The following SLCO5A1 variants were observed in gnomAD, a reference collection of about 807,000 sequenced individuals.
SLCO5A1 encodes organic anion transporter polypeptide-related protein 4.
SLCO5A1 carries 39 observed loss-of-function variants against 65.1 expected under a neutral mutation model. The observed-to-expected ratio is 0.60, with a 90% confidence interval of 0.46 to 0.78. The LOEUF (loss-of-function observed/expected upper bound fraction) is 0.78. Ranked by LOEUF, SLCO5A1 falls within the 30% of genes least tolerant of loss-of-function variation. SLCO5A1 has a pLI of 0.00. For missense variants in SLCO5A1, 1,029 were observed against 1,069.4 expected, an observed-to-expected ratio of 0.96 and a Z score of 0.53; for synonymous variants, 438 against 415.7, an observed-to-expected ratio of 1.05 and a Z score of -0.65.
intron 2 of SLCO5A1, among the ~76,000 whole-genome samples, chr8:69,769,833 T>C (rs972819312): frequency 3.3e-5 from 5 of 152,154 alleles, no homozygotes; most frequent in African/African-American, 1.2e-4. Flanking sequence ...CTATGCCTGT[T>C]GCTATAATTA....
At chr8:69,683,210 G>A (rs776274451) in intron 6 of SLCO5A1, among the ~76,000 whole-genome samples, 72 of 152,228 alleles carry the variant, frequency 4.7e-4, no homozygotes, top group Non-Finnish European at 3.5e-4. Context: ...AAGGAAAGGC[G>A]CTCTGTACTG....
chr8:69,706,320 G>C (rs1274787351), intron 5 of SLCO5A1, among the ~76,000 whole-genome samples: 2 of 152,340 alleles, frequency 1.3e-5, no homozygotes, highest in East Asian at 3.9e-4. Context: ...CAAGATAGTA[G>C]AGGGATTCAT....
chr8:69,763,223 C>G (rs945027429), intron 2 of SLCO5A1, among the ~76,000 whole-genome samples: 10 of 151,698 alleles, frequency 6.6e-5, no homozygotes, highest in African/African-American at 1.9e-4. Flanking sequence ...GCAGGAGAAT[C>G]GCTTGAACCT....
intron 2 of SLCO5A1, among the ~76,000 whole-genome samples, chr8:69,797,192 C>A (rs1430071088): frequency 1.3e-5 from 2 of 152,188 alleles, no homozygotes; most frequent in Non-Finnish European, 2.9e-5. Context: ...GTCTTTACTG[C>A]AATCTCTGAA....
intron 2 of SLCO5A1, among the ~76,000 whole-genome samples, chr8:69,815,541 GCT>G (rs1257368119): frequency 6.6e-6 from 1 of 151,836 alleles, no homozygotes; most frequent in Non-Finnish European, 1.5e-5. Context: ...TCATTGATGA[GCT>G]CTGCTTTAGA....
Position 69,802,841 on chromosome 8 carries a change from A to G in SLCO5A1, c.907+28926T>C, listed in dbSNP as rs186423728. 5.3e-5 allele frequency among the ~76,000 whole-genome samples: 8 copies of G among 152,262 alleles called. No individual in the cohort carries two copies. In the East Asian group the frequency reaches 1.5e-3, roughly 29 times the overall value. On this transcript the variant is annotated intron_variant, in intron 2 of 9. Transcript: ENST00000260126. Reference sequence around the variant, plus strand: ...TCTTCATAGCCCTTATACCAGACAAACATTACATGATATATGTCTGCCTCT... The same window carrying G: ...TCTTCATAGCCCTTATACCAGACAAGCATTACATGATATATGTCTGCCTCT...
At chr8:69,742,794 CTTTTTT>C (rs10633803) in intron 4 of SLCO5A1, among the ~76,000 whole-genome samples, 7 of 83,192 alleles carry the variant, frequency 8.4e-5, no homozygotes, top group African/African-American at 1.9e-4. Flanking sequence ...TGAGTGGATT[CTTTTTT>C]TTTTTTTTTT....
intron 5 of SLCO5A1, among the ~76,000 whole-genome samples, chr8:69,714,366 T>C (rs1434275173): frequency 6.6e-6 from 1 of 152,232 alleles, no homozygotes; most frequent in Non-Finnish European, 1.5e-5. Flanking sequence ...CTGCATGCGT[T>C]GAGCATTTGT....
intron 6 of SLCO5A1, among the ~76,000 whole-genome samples, chr8:69,701,608 C>T (rs908876065): frequency 4.6e-5 from 7 of 152,328 alleles, no homozygotes; most frequent in African/African-American, 1.7e-4. Context: ...AACCAATTGT[C>T]ATCCAGGAAA....
intron 9 of SLCO5A1, among the ~76,000 whole-genome samples, chr8:69,675,232 T>G (rs1323861566): frequency 5.9e-5 from 9 of 151,474 alleles, no homozygotes; most frequent in African/African-American, 1.9e-4. Context: ...TGGAGTACAG[T>G]GGCTCCATCT....
chr8:69,784,906 GAAAGAAAGA>G, intron 2 of SLCO5A1, among the ~76,000 whole-genome samples: 1 of 65,370 alleles, frequency 1.5e-5, no homozygotes, highest in Admixed American at 1.6e-4. Context: ...AAGAAAGAAA[GAAAGAAAGA>G]AAGAAAGAAA....
At chr8:69,781,646 T>A (rs13268035) in intron 2 of SLCO5A1, among the ~76,000 whole-genome samples, 1 of 151,186 alleles carries the variant, frequency 6.6e-6, no homozygotes, top group East Asian at 2.0e-4. Context: ...TTTGTTTTTG[T>A]TTTTTGTTTT....
intron 2 of SLCO5A1, among the ~76,000 whole-genome samples, chr8:69,827,753 T>A (rs1279605114): frequency 6.6e-6 from 1 of 152,178 alleles, no homozygotes; most frequent in Non-Finnish European, 1.5e-5. Context: ...TTGGGAAAGG[T>A]CTCACATCAT....
chr8:69,815,287 A>G (rs994326314), intron 2 of SLCO5A1, among the ~76,000 whole-genome samples: 2 of 152,200 alleles, frequency 1.3e-5, no homozygotes, highest in Non-Finnish European at 2.9e-5. Context: ...AAATTATCAA[A>G]TTACAATTTT....
rs1267653056 is a variant in SLCO5A1 at position 69,781,377 on chromosome 8, G to GT, written c.908-19503dup. On this transcript the variant is annotated intron_variant, in intron 2 of 9. Coordinates refer to ENST00000260126, the MANE Select transcript of SLCO5A1 (RefSeq NM_030958.3). ...TTTAGGACACCTTTAACACTACCCT[G>GT]TTTTTTGCATCAATCCACAGGAGTT... 5.3e-5 allele frequency among the ~76,000 whole-genome samples: 8 copies of GT among 152,290 alleles called. No individual in the cohort carries two copies. In the East Asian group the frequency reaches 1.5e-3, roughly 29 times the overall value.
At chr8:69,719,043 T>C (rs1815697825) in intron 5 of SLCO5A1, among the ~76,000 whole-genome samples, 3 of 152,180 alleles carry the variant, frequency 2.0e-5, no homozygotes, top group Non-Finnish European at 4.4e-5. Context: ...AGTTGTACAC[T>C]GTCCCCATCT....
At chr8:69,765,280 A>T (rs1461210168) in intron 2 of SLCO5A1, among the ~76,000 whole-genome samples, 1 of 152,076 alleles carries the variant, frequency 6.6e-6, no homozygotes, top group Non-Finnish European at 1.5e-5. Flanking sequence ...GTATATGTGT[A>T]TATATTACAG....
chr8:69,793,989 A>T (rs1819384444), intron 2 of SLCO5A1: 2 of 169,308 alleles, frequency 1.2e-5, no homozygotes, highest in Non-Finnish European at 2.5e-5. Context: ...CTTTATGCAG[A>T]TGGAGAAACC....
intron 2 of SLCO5A1, among the ~76,000 whole-genome samples, chr8:69,827,163 G>A (rs1213965064): frequency 4.6e-5 from 5 of 109,256 alleles, no homozygotes; most frequent in South Asian, 7.6e-4. Context: ...GGGGGGAGGG[G>A]GGAGGGATAG....
Sources: allele counts gnomAD v4.1 joint callset (sites outside exome capture counted in the v4.1 genomes callset), GRCh38; gene constraint gnomAD v4.1.1; transcripts MANE v1.5; gene names NCBI Gene and HGNC (gene_info 2026-07-23, HGNC 2026-07-21).